Variants in SLC25A42 observed in about 807,000 individuals in gnomAD.
SLC25A42 encodes the protein mitochondrial coenzyme A transporter SLC25A42.
Under a neutral mutation model 34.7 loss-of-function variants are expected in SLC25A42, and 19 were observed. That is an observed-to-expected ratio of 0.55 (90% CI 0.38 to 0.80). The LOEUF (loss-of-function observed/expected upper bound fraction) is 0.80. Ranked by LOEUF, SLC25A42 falls within the 30% of genes least tolerant of loss-of-function variation. The probability of loss-of-function intolerance (pLI) is 0.00; values close to 1 mark genes in which losing one functional copy is unlikely to be tolerated. For synonymous variants in SLC25A42, 205 were observed against 191.2 expected, an observed-to-expected ratio of 1.07 and a Z score of -0.59; for missense variants, 364 against 441.3, an observed-to-expected ratio of 0.82 and a Z score of 1.57.
rs2059765346 is a variant in SLC25A42, at chr19:19,096,288, C to T, written c.81+83C>T. On this transcript the variant is annotated intron_variant, in intron 2 of 7. Coordinates refer to ENST00000318596, the MANE Select transcript of SLC25A42 (RefSeq NM_178526.5). ...CCCCTCCCAGGCTCCCTGCCTCCTC[C>T]TCCCAGCCTCTGCACCCCCTCCAAA... 3.8e-6 allele frequency: 4 copies of T among 1,045,284 alleles called. No homozygotes were observed. The South Asian group carries it at 4.5e-5, about 12-fold the overall frequency. The allele number at this position is 1,045,284 out of a possible 1,614,324, so 64.8% of individuals were successfully genotyped here. A position where few individuals can be genotyped will look rare whatever the true frequency, so the allele number is the denominator to read the frequency against.
intron 1 of SLC25A42, among the ~76,000 whole-genome samples, chr19:19,088,497 C>T (rs181895116): frequency 4.0e-5 from 6 of 151,582 alleles, no homozygotes; most frequent in African/African-American, 7.3e-5. Flanking sequence ...TGAGCCACCG[C>T]GCCTGGCCCG....
At position 19,110,727 on chromosome 19, in the gene SLC25A42, A is replaced by G. The variant is rs1364502145; in HGVS notation, c.808A>G (p.Thr270Ala). The change falls in exon 8 of 8, where the codon ACG becomes GCG. Residue 270 changes from threonine to alanine, a missense_variant. By Grantham distance (58) the Thr-to-Ala change is moderately conservative. Transcript: ENST00000318596. Reference sequence around the variant, plus strand: ...CTACCCGCGCGCCTCCATCGCCCGCACGCTGCGCACCATCGTGCGGGAGGA... The same window carrying G: ...CTACCCGCGCGCCTCCATCGCCCGCGCGCTGCGCACCATCGTGCGGGAGGA... ...TGYPRASIAR[T>A]LRTIVREEGA... 1.9e-6 allele frequency: 3 copies of G among 1,608,894 alleles called. No individual in the cohort carries two copies. Among genetic ancestry groups the G allele is most frequent in the South Asian group, 1.1e-5 (1 of 90,694 alleles).
intron 1 of SLC25A42, among the ~76,000 whole-genome samples, chr19:19,089,253 C>T (rs763837816): frequency 6.6e-6 from 1 of 152,094 alleles, no homozygotes; most frequent in African/African-American, 2.4e-5. Flanking sequence ...CAGGGCTGGG[C>T]GCGGGGCCTC....
intron 3 of SLC25A42, 123 bp from the exon 4 acceptor site, chr19:19,104,790 C>T: frequency 7.5e-6 from 8 of 1,060,900 alleles, no homozygotes; most frequent in Non-Finnish European, 9.6e-6. Flanking sequence ...AGCTCCCATT[C>T]CTGGGACAAG....
chr19:19,074,909 G>A (rs537534640), intron 1 of SLC25A42, among the ~76,000 whole-genome samples: 1 of 152,214 alleles, frequency 6.6e-6, no homozygotes, highest in African/African-American at 2.4e-5. Flanking sequence ...CCAACACTTT[G>A]GGAGGCAGAG....
chr19:19,103,387 G>T (rs368250197), intron 3 of SLC25A42, among the ~76,000 whole-genome samples: 2 of 152,202 alleles, frequency 1.3e-5, no homozygotes, highest in East Asian at 1.9e-4. Flanking sequence ...GAGTCACCGC[G>T]CCCGGCCTGT....
intron 1 of SLC25A42, among the ~76,000 whole-genome samples, chr19:19,090,671 C>T (rs2059733784): frequency 6.6e-6 from 1 of 151,472 alleles, no homozygotes; most frequent in African/African-American, 2.5e-5. Flanking sequence ...ACAACAACAA[C>T]AACAAAAAGC....
chr19:19,101,505 A>G lies in SLC25A42; in HGVS notation c.82-276A>G, dbSNP rs553114258. Reference sequence around the variant, plus strand: ...TGAAGTTTGCACGTGGGCCAGTCCTATTGTGAGCCTGTCTCTGAGAATGTG... The same window carrying G: ...TGAAGTTTGCACGTGGGCCAGTCCTGTTGTGAGCCTGTCTCTGAGAATGTG... On this transcript the variant is annotated intron_variant, in intron 2 of 7. Transcript: ENST00000318596. Among the ~76,000 whole-genome samples the G allele has an allele frequency of 2.0e-5, 3 of 152,266 alleles. No individual in the cohort carries two copies. The Middle Eastern group carries it at 0.01, about 518-fold the overall frequency.
intron 1 of SLC25A42, among the ~76,000 whole-genome samples, chr19:19,073,482 T>C (rs910875358): frequency 2.0e-5 from 3 of 152,128 alleles, no homozygotes; most frequent in African/African-American, 7.2e-5. Context: ...AAACTTGGCA[T>C]GTCCAGGGAA....
rs1241775528 is a variant in SLC25A42, at chr19:19,081,891, C to T, written c.-34-14200C>T. 6.6e-6 allele frequency among the ~76,000 whole-genome samples: 1 copy of T among 152,216 alleles called. No individual in the cohort carries two copies. The highest frequency in any genetic ancestry group is 1.5e-5 in the Non-Finnish European group (1 of 68,038). ...TTTGCATTTTGTGGCTGGAATGTGGCTCTGCCATGCCTTGGACACTGCCCC... is the reference window on the plus strand; with the variant it reads ...TTTGCATTTTGTGGCTGGAATGTGGTTCTGCCATGCCTTGGACACTGCCCC... On this transcript the variant is annotated intron_variant, in intron 1 of 7. Transcript: ENST00000318596. This position sits in a 1 kb window ranked among gnomAD's most constrained non-coding sequence, Gnocchi z 4.5.
At chr19:19,076,882 G>A (rs764810096) in intron 1 of SLC25A42, among the ~76,000 whole-genome samples, 16 of 151,914 alleles carry the variant, frequency 1.1e-4, no homozygotes, top group Admixed American at 2.0e-4. Flanking sequence ...TTGTACTTAC[G>A]TTTCTTAAAA....
rs985812376 is a variant in SLC25A42, at chr19:19,110,443, G to T, written c.650-126G>T. 13 of 670,128 alleles carry T rather than the reference G, an allele frequency of 1.9e-5. No homozygotes were observed. In the South Asian group the frequency reaches 4.0e-4, roughly 21 times the overall value. The allele number at this position is 670,128 out of a possible 1,614,324, so 41.5% of individuals were successfully genotyped here. A position where few individuals can be genotyped will look rare whatever the true frequency, so the allele number is the denominator to read the frequency against. ...GGTGCGCATGAGTGCGAACACACGT[G>T]GGGGTGCAAGTGCATGTGTGTATGT... is the stretch of plus-strand genomic sequence containing the variant. On this transcript the variant is annotated intron_variant, in intron 7 of 7. Transcript: ENST00000318596.
chr19:19,075,962 G>C lies in SLC25A42; in HGVS notation c.-35+11847G>C, dbSNP rs148518274. On this transcript the variant is annotated intron_variant, in intron 1 of 7. Transcript: ENST00000318596. ...GGGGCAGCACCCTGAACCTAGGGGAGTGTGAAGTCTCATTACCTGACCATG... is the reference window on the plus strand; with the variant it reads ...GGGGCAGCACCCTGAACCTAGGGGACTGTGAAGTCTCATTACCTGACCATG... 4.2e-3 allele frequency among the ~76,000 whole-genome samples: 647 copies of C among 152,262 alleles called. 7 individuals carry two copies. The highest frequency in any genetic ancestry group is 0.015 in the African/African-American group (625 of 41,564).
rs1487643387 is a variant in SLC25A42, at chr19:19,109,944, G to C, written c.650-625G>C. On this transcript the variant is annotated intron_variant, in intron 7 of 7. Transcript: ENST00000318596. This position sits in a 1 kb window ranked among gnomAD's most constrained non-coding sequence, Gnocchi z 4.1. ...AGGGCGCAGGTCGGGGACCAGGCAC[G>C]GGAGCACCTAGAATGTTCCTTTACT... is the stretch of plus-strand genomic sequence containing the variant. Among the ~76,000 whole-genome samples, 1 of 152,134 alleles carries C rather than the reference G, an allele frequency of 6.6e-6. No homozygotes were observed. Among genetic ancestry groups the C allele is most frequent in the Non-Finnish European group, 1.5e-5 (1 of 68,034 alleles).
chr19:19,068,527 C>A (rs987090064), intron 1 of SLC25A42, among the ~76,000 whole-genome samples: 1 of 151,688 alleles, frequency 6.6e-6, no homozygotes, highest in Non-Finnish European at 1.5e-5. Flanking sequence ...ATTAGCCGGG[C>A]ATGTTGGTGG....
chr19:19,105,476 C>T, intron 4 of SLC25A42, 85 bp from the exon 5 acceptor site: 2 of 1,527,318 alleles, frequency 1.3e-6, no homozygotes, highest in South Asian at 2.5e-5. Flanking sequence ...CCCGCCTCCG[C>T]ACTTTGGGCG....
intron 1 of SLC25A42, among the ~76,000 whole-genome samples, chr19:19,065,823 T>C (rs918613675): frequency 6.6e-6 from 1 of 152,212 alleles, no homozygotes; most frequent in Non-Finnish European, 1.5e-5. Flanking sequence ...TATATGTACA[T>C]GTGTATAAAC....
At chr19:19,105,264 T>A (rs1046060436) in intron 4 of SLC25A42, 3 of 574,900 alleles carry the variant, frequency 5.2e-6, no homozygotes, top group Non-Finnish European at 9.2e-6. Flanking sequence ...CCAACAGACA[T>A]GCCCTTGGGC....
intron 3 of SLC25A42, among the ~76,000 whole-genome samples, chr19:19,103,382 A>C (rs888672928): frequency 2.6e-5 from 4 of 152,138 alleles, no homozygotes; most frequent in Admixed American, 6.5e-5. Context: ...GGCATGAGTC[A>C]CCGCGCCCGG....
Sources: gnomAD v4.1 joint callset for allele counts (sites outside exome capture counted in the v4.1 genomes callset) on GRCh38, gnomAD v4.1.1 for gene constraint, Gnocchi (gnomAD v3.1) non-coding constraint, MANE v1.5 for transcripts, NCBI Gene and HGNC (gene_info 2026-07-23, HGNC 2026-07-21) for gene names.